GABRA3: variants seen among roughly 807,000 people sequenced by gnomAD.
GABRA3 encodes gamma-aminobutyric acid receptor subunit alpha-3.
In GABRA3, 10 loss-of-function variants were observed where a neutral mutation model predicts 30.1. The observed-to-expected ratio is 0.33, with a 90% CI of 0.20 to 0.56. The LOEUF (loss-of-function observed/expected upper bound fraction) is 0.56. GABRA3 is among the 20% of genes least tolerant of loss of function. GABRA3 has a pLI of 0.89. For missense variants in GABRA3, 233 were observed against 392.0 expected (o/e 0.59, Z 3.42); for synonymous variants, 151 against 146.8 (o/e 1.03, Z -0.21).
At chrX:152,348,497 A>T (rs1005707425) in intron 2 of GABRA3, among the ~76,000 whole-genome samples, 1 of 111,761 alleles carries the variant, frequency 8.9e-6, no homozygotes, top group Non-Finnish European at 1.9e-5. Context: ...TCTGAAGGTT[A>T]TGCCAAGTTT....
intron 9 of GABRA3, among the ~76,000 whole-genome samples, chrX:152,178,409 C>G (rs1052080507): frequency 1.8e-5 from 2 of 111,235 alleles, no homozygotes; most frequent in African/African-American, 6.5e-5. Context: ...AAAGAAATAC[C>G]AAGGGGTGAT....
chrX:152,247,666 G>A (rs1938481081), intron 5 of GABRA3, among the ~76,000 whole-genome samples: 1 of 111,599 alleles, frequency 9.0e-6, no homozygotes, highest in Non-Finnish European at 1.9e-5. Flanking sequence ...TTCCTGCAAT[G>A]GTCTATGAGG....
chrX:152,271,075 C>T (rs1232061513), intron 4 of GABRA3, among the ~76,000 whole-genome samples: 1 of 108,605 alleles, frequency 9.2e-6, no homozygotes, highest in African/African-American at 3.4e-5. Context: ...GATTCTCCTG[C>T]CTCGGCCCCC....
intron 1 of GABRA3, among the ~76,000 whole-genome samples, chrX:152,431,785 C>A (rs1425593245): frequency 9.0e-6 from 1 of 111,240 alleles, no homozygotes; most frequent in Non-Finnish European, 1.9e-5. Flanking sequence ...CTTGCCTGGT[C>A]ATTGCTGACT....
chrX:152,266,705 T>C (rs921916701), intron 4 of GABRA3, among the ~76,000 whole-genome samples: 3 of 111,202 alleles, frequency 2.7e-5, no homozygotes, highest in Non-Finnish European at 5.7e-5. Flanking sequence ...TCATTAATAG[T>C]AATCTCCCTT....
intron 6 of GABRA3, 149 bp from the exon 7 acceptor site, chrX:152,208,293 GTCCA>G (rs765316532): frequency 4.4e-5 from 23 of 523,158 alleles, no homozygotes; most frequent in Non-Finnish European, 5.9e-5. Flanking sequence ...CCATCCATCC[GTCCA>G]TCCATCCATC....
intron 3 of GABRA3, among the ~76,000 whole-genome samples, chrX:152,338,354 T>A (rs748621124): frequency 1.8e-5 from 2 of 112,427 alleles, no homozygotes; most frequent in South Asian, 7.3e-4. Context: ...TCTGTTCAGA[T>A]CTTTTGTCTA....
chrX:152,382,954 A>T (rs1001911305), intron 1 of GABRA3, among the ~76,000 whole-genome samples: 5 of 112,054 alleles, frequency 4.5e-5, no homozygotes, highest in African/African-American at 1.6e-4. Flanking sequence ...AATCAAGGAC[A>T]GTGATGCCTT....
At chrX:152,275,258 T>A (rs1939042277) in intron 4 of GABRA3, among the ~76,000 whole-genome samples, 1 of 51,894 alleles carries the variant, frequency 1.9e-5, no homozygotes, top group African/African-American at 1.2e-4. Context: ...TATAATAAAA[T>A]ATATATAAAT....
chrX:152,265,152 T>C (rs1242403956), intron 4 of GABRA3, among the ~76,000 whole-genome samples: 1 of 111,616 alleles, frequency 9.0e-6, no homozygotes, highest in Non-Finnish European at 1.9e-5. Flanking sequence ...ATGGACCTAA[T>C]AGATATTTAC....
intron 9 of GABRA3, among the ~76,000 whole-genome samples, chrX:152,170,930 C>T (rs1020585513): frequency 8.9e-6 from 1 of 111,883 alleles, no homozygotes; most frequent in African/African-American, 3.2e-5. Context: ...GGACAGAACT[C>T]TAAGGTTTCT....
At chrX:152,318,730 G>C (rs1025402032) in intron 3 of GABRA3, among the ~76,000 whole-genome samples, 1 of 111,852 alleles carries the variant, frequency 8.9e-6, no homozygotes, top group African/African-American at 3.2e-5. Context: ...AAAATCACAT[G>C]ATCATCTCAA....
rs139419004 is a variant in GABRA3, at chrX:152,204,538, C to T, written c.778+3463G>A. 7.5e-3 allele frequency among the ~76,000 whole-genome samples: 827 copies of T among 110,349 alleles called. 8 individuals carry two copies. The highest frequency in any genetic ancestry group is 0.025 in the African/African-American group (774 of 30,376). ...AAAATTATTTAATCTGTCTGAGCCT[C>T]GATTTCCTTATCTATAAACCTCAGA... On this transcript the variant is annotated intron_variant, in intron 7 of 9. Transcript: ENST00000370314.
At chrX:152,320,317 A>G (rs1047906658) in intron 3 of GABRA3, among the ~76,000 whole-genome samples, 2 of 112,156 alleles carry the variant, frequency 1.8e-5, no homozygotes, top group African/African-American at 6.5e-5. Flanking sequence ...ATATGGAACC[A>G]GCCCAAATGC....
chrX:152,399,946 C>T (rs752950403), intron 1 of GABRA3, among the ~76,000 whole-genome samples: 2 of 110,991 alleles, frequency 1.8e-5, no homozygotes, highest in East Asian at 5.7e-4. Flanking sequence ...CAGACAAACA[C>T]CACCTTCTGT....
intron 1 of GABRA3, among the ~76,000 whole-genome samples, chrX:152,404,121 G>T (rs2124524614): frequency 9.0e-6 from 1 of 111,493 alleles, no homozygotes; most frequent in Non-Finnish European, 1.9e-5. Flanking sequence ...AAAGAGTAAG[G>T]ATGGAAAAGA....
chrX:152,314,583 T>G (rs748306425), intron 3 of GABRA3, among the ~76,000 whole-genome samples: 8 of 111,918 alleles, frequency 7.1e-5, no homozygotes, highest in African/African-American at 2.6e-4. Flanking sequence ...AACTGGTTGT[T>G]TTTGTTTCTT....
rs766209504 is a variant in GABRA3, at chrX:152,364,595, A to G, written c.-25T>C. On this transcript the variant is annotated splice_region_variant and 5_prime_UTR_variant, in exon 2 of 10. Transcript: ENST00000370314. ...TCTTCTTAGGCACAAACTTGGAGAGACCTGTGAGATTCACAGTTTAGATAA... is the reference window on the plus strand; with the variant it reads ...TCTTCTTAGGCACAAACTTGGAGAGGCCTGTGAGATTCACAGTTTAGATAA... 8.5e-7 allele frequency: 1 copy of G among 1,182,512 alleles called. No individual in the cohort carries two copies. The highest frequency in any genetic ancestry group is 3.0e-5 in the East Asian group (1 of 33,372).
intron 3 of GABRA3, among the ~76,000 whole-genome samples, chrX:152,304,786 T>A (rs1011318718): frequency 8.9e-6 from 1 of 111,807 alleles, no homozygotes; most frequent in African/African-American, 3.3e-5. Flanking sequence ...AGACTGTTTT[T>A]TTGTTGTTGT....
Sources: gnomAD v4.1 joint callset for allele counts (sites outside exome capture counted in the v4.1 genomes callset) on GRCh38, gnomAD v4.1.1 for gene constraint, MANE v1.5 for transcripts, NCBI Gene and HGNC (gene_info 2026-07-23, HGNC 2026-07-21) for gene names.